The following WDR47 variants were observed in gnomAD, a reference collection of about 807,000 sequenced individuals.
WDR47 encodes WD repeat-containing protein 47.
A neutral mutation model predicts 97.2 loss-of-function variants in WDR47; 32 were observed. The observed-to-expected ratio is 0.33, with a 90% CI of 0.25 to 0.44. The LOEUF is 0.44. WDR47 is among the 20% of genes least tolerant of loss of function. The pLI, the probability that WDR47 is intolerant of heterozygous loss-of-function variation, is 1.00. For missense variants in WDR47, 782 were observed against 1,102.3 expected (o/e 0.71, Z 4.11); for synonymous variants, 375 against 373.5 (o/e 1.00, Z -0.05).
chr1:109,011,288 G>C lies in WDR47; in HGVS notation c.758C>G (p.Ser253Cys). 1.9e-6 allele frequency: 3 copies of C among 1,614,154 alleles called. No individual in the cohort carries two copies. The highest frequency in any genetic ancestry group is 2.5e-6 in the Non-Finnish European group (3 of 1,180,038). The change falls in exon 5 of 15, where the codon TCT (serine) becomes TGT (cysteine). Residue 253 changes from serine to cysteine, a missense_variant. Transcript: ENST00000369962. ...SLLSWLQNLP[S>C]SVFSCAFEQK... ...TTCAAAAGCACAAGAGAAGACAGAAGATGGAAGATTCTGAAGCCATGACAG... is the reference window on the plus strand; with the variant it reads ...TTCAAAAGCACAAGAGAAGACAGAACATGGAAGATTCTGAAGCCATGACAG...
At chr1:108,995,226 C>T (rs976620455) in intron 8 of WDR47, among the ~76,000 whole-genome samples, 3 of 152,144 alleles carry the variant, frequency 2.0e-5, no homozygotes, top group African/African-American at 7.2e-5. Context: ...TTTCTATGCC[C>T]TGAAAGTCTG....
intron 4 of WDR47, among the ~76,000 whole-genome samples, chr1:109,012,369 C>T (rs1003179793): frequency 1.3e-5 from 2 of 151,558 alleles, no homozygotes; most frequent in Non-Finnish European, 2.9e-5. Flanking sequence ...TCATGAGGTT[C>T]GAGACCAGCC....
chr1:109,013,824 AG>A lies in WDR47; in HGVS notation c.327+16del. On this transcript the variant is annotated intron_variant, in intron 4 of 14. Coordinates refer to ENST00000369962, the MANE Select transcript of WDR47 (RefSeq NM_001142551.2). ...AAACAAGACTAGGGCGCAAACCTTC[AG>A]GAATAAAAATCTTACATGCTGGGGC... 1 of 1,612,254 alleles carries A rather than the reference AG, an allele frequency of 6.2e-7. No individual in the cohort carries two copies. The highest frequency in any genetic ancestry group is 8.5e-7 in the Non-Finnish European group (1 of 1,179,442).
At chr1:109,012,931 C>T (rs562709865) in intron 4 of WDR47, among the ~76,000 whole-genome samples, 1 of 152,208 alleles carries the variant, frequency 6.6e-6, no homozygotes, top group Non-Finnish European at 1.5e-5. Flanking sequence ...CTGTAAAATC[C>T]TTTGGTTTTT....
intron 1 of WDR47, chr1:109,025,097 G>A (rs1662108239): frequency 6.6e-6 from 1 of 152,086 alleles, no homozygotes; most frequent in Admixed American, 6.6e-5. Context: ...AAATGCAAAT[G>A]TCTAGCAGAC....
Position 109,011,032 on chromosome 1 carries a change from A to C in WDR47, c.1014T>G (p.Thr338=), listed in dbSNP as rs1252385127. ...DKRISDLGNK[T]SPMSHSFANF... is the part of the protein sequence containing the mutation. ...TAGCAAAGGAGTGTGACATTGGAGA[A>C]GTTTTGTTTCCAAGGTCTGAAATTC... The change falls in exon 5 of 15, where the codon ACT becomes ACG. Residue 338 remains threonine (T), a synonymous_variant. Coordinates refer to ENST00000369962, the MANE Select transcript of WDR47 (RefSeq NM_001142551.2). 1.2e-6 allele frequency: 2 copies of C among 1,614,040 alleles called. No individual in the cohort carries two copies. Among genetic ancestry groups the C allele is most frequent in the Non-Finnish European group, 8.5e-7 (1 of 1,180,038 alleles).
chr1:109,021,617 G>C (rs201584098), intron 2 of WDR47, among the ~76,000 whole-genome samples: 1 of 151,572 alleles, frequency 6.6e-6, no homozygotes, highest in East Asian at 1.9e-4. Flanking sequence ...AATTAGGGGA[G>C]CCATTAGGAA....
At chr1:109,039,613 T>G (rs1663207007) in intron 1 of WDR47, among the ~76,000 whole-genome samples, 1 of 152,102 alleles carries the variant, frequency 6.6e-6, no homozygotes, top group Admixed American at 6.6e-5. Flanking sequence ...AAACTCAACA[T>G]AGAGAAAAAT....
chr1:108,978,142 T>C (rs1185929350), intron 13 of WDR47, among the ~76,000 whole-genome samples: 1 of 149,130 alleles, frequency 6.7e-6, no homozygotes, highest in Non-Finnish European at 1.5e-5. Context: ...TATCTTACAG[T>C]GTCCCGTAAA....
Position 108,995,550 on chromosome 1 carries a change from T to G in WDR47, c.1691+30A>C, listed in dbSNP as rs529852382. On this transcript the variant is annotated intron_variant, in intron 8 of 14. Coordinates refer to ENST00000369962, the MANE Select transcript of WDR47 (RefSeq NM_001142551.2). Reference sequence around the variant, plus strand: ...TCTAACCATTAGTAGTAAGTTAATATTTCCAAGTTTTACAAAGTCAAGCAC... The same window carrying G: ...TCTAACCATTAGTAGTAAGTTAATAGTTCCAAGTTTTACAAAGTCAAGCAC... 1.1e-5 allele frequency: 18 copies of G among 1,609,586 alleles called. No individual in the cohort carries two copies. The African/African-American group carries it at 2.1e-4, about 19-fold the overall frequency.
intron 1 of WDR47, among the ~76,000 whole-genome samples, chr1:109,039,136 G>A (rs1282796980): frequency 6.6e-6 from 1 of 152,190 alleles, no homozygotes; most frequent in East Asian, 1.9e-4. Context: ...AATGAGTGAT[G>A]AGCATTTACT....
intron 3 of WDR47, among the ~76,000 whole-genome samples, chr1:109,016,444 G>C (rs1661422953): frequency 6.6e-6 from 1 of 152,048 alleles, no homozygotes; most frequent in South Asian, 2.1e-4. Context: ...AAAAATGAGA[G>C]GAAGATCCAA....
At chr1:109,039,552 C>A (rs1663203410) in intron 1 of WDR47, among the ~76,000 whole-genome samples, 1 of 152,212 alleles carries the variant, frequency 6.6e-6, no homozygotes, top group Non-Finnish European at 1.5e-5. Context: ...GCCACCACGC[C>A]CAGCCGGTAT....
At chr1:109,028,805 T>C (rs991813788) in intron 1 of WDR47, among the ~76,000 whole-genome samples, 22 of 152,074 alleles carry the variant, frequency 1.4e-4, no homozygotes, top group Non-Finnish European at 1.2e-4. Context: ...TAATTTAATA[T>C]GTATTTAATA....
chr1:108,975,791 G>A (rs771566471), intron 13 of WDR47, among the ~76,000 whole-genome samples: 8 of 151,796 alleles, frequency 5.3e-5, no homozygotes, highest in Non-Finnish European at 1.0e-4. Context: ...GCATAAATAA[G>A]AGTATGTATG....
intron 1 of WDR47, among the ~76,000 whole-genome samples, chr1:109,030,670 A>C (rs1405236898): frequency 1.1e-5 from 1 of 91,028 alleles, no homozygotes; most frequent in African/African-American, 3.6e-5. Flanking sequence ...AACTTCACAA[A>C]CAAAAATGCA....
rs1373811628 is a variant in WDR47, at chr1:109,035,065, C to A, written c.-10+6797G>T. 4.0e-5 allele frequency among the ~76,000 whole-genome samples: 6 copies of A among 148,540 alleles called. No individual in the cohort carries two copies. In the Admixed American group the frequency reaches 4.1e-4, roughly 10 times the overall value. On this transcript the variant is annotated intron_variant, in intron 1 of 14. Coordinates refer to ENST00000369962, the MANE Select transcript of WDR47 (RefSeq NM_001142551.2). Reference sequence around the variant, plus strand: ...AGCTCAGGAGTTCAAGGCAACATGGCGAAACCCTGTCTCTCCAAAAAAAAA... The same window carrying A: ...AGCTCAGGAGTTCAAGGCAACATGGAGAAACCCTGTCTCTCCAAAAAAAAA...
intron 1 of WDR47, among the ~76,000 whole-genome samples, chr1:109,038,975 T>A (rs1663146229): frequency 6.6e-6 from 1 of 151,204 alleles, no homozygotes; most frequent in Admixed American, 6.6e-5. Flanking sequence ...CGAGACCCCA[T>A]CTCAAATAAT....
chr1:109,029,671 CTAAATAAATAAATAAATAAA>C (rs112161424), intron 1 of WDR47, among the ~76,000 whole-genome samples: 4 of 140,586 alleles, frequency 2.8e-5, no homozygotes, highest in African/African-American at 5.3e-5. Flanking sequence ...GACTCTGTCT[CTAAATAAATAAATAAATAAA>C]TAAATAAATA....
Sources: allele counts gnomAD v4.1 joint callset (sites outside exome capture counted in the v4.1 genomes callset), GRCh38; gene constraint gnomAD v4.1.1; transcripts MANE v1.5; gene names NCBI Gene and HGNC (gene_info 2026-07-23, HGNC 2026-07-21).